The following NF1 variants were observed in gnomAD, a reference collection of about 807,000 sequenced individuals.
NF1 encodes the protein neurofibromin 1, also known as neurofibromin.
A neutral mutation model predicts 325.7 loss-of-function variants in NF1; 122 were observed. The ratio of observed to expected loss-of-function variants is 0.37; its 90% CI spans 0.32 to 0.44. The LOEUF (loss-of-function observed/expected upper bound fraction) is 0.44, where lower values mean the gene tolerates loss of function less well. NF1 is among the 20% of genes least tolerant of loss of function. The probability of loss-of-function intolerance (pLI) is 1.00; values close to 1 mark genes in which losing one functional copy is unlikely to be tolerated. For synonymous variants in NF1, 1,091 were observed against 1,186.0 expected (o/e 0.92, Z 1.65); for missense variants, 2,140 against 3,415.4 (o/e 0.63, Z 9.31).
At chr17:31,139,373 CAG>C (rs1314094931) in intron 1 of NF1, among the ~76,000 whole-genome samples, 3 of 106,872 alleles carry the variant, frequency 2.8e-5, no homozygotes, top group Non-Finnish European at 5.8e-5. Context: ...ATGTTTTACA[CAG>C]ACACACACAC....
rs191099389 is a variant in NF1 at position 31,150,467 on chromosome 17, G to A, written c.61-5516G>A. Among the ~76,000 whole-genome samples the A allele has an allele frequency of 1.2e-4, 19 of 152,042 alleles. No homozygotes were observed. In the East Asian group the frequency reaches 3.5e-3, roughly 28 times the overall value. The stretch of plus-strand genomic sequence containing the variant: ...TGGTATTCTAATTTCCTTCTCTTTT[G>A]GGGTGGAGGGGTATTATGTGTTGGT... On this transcript the variant is annotated intron_variant, in intron 1 of 57. Coordinates refer to ENST00000358273, the MANE Select transcript of NF1 (RefSeq NM_001042492.3).
intron 48 of NF1, 61 bp downstream of exon 48, chr17:31,343,196 G>A: frequency 7.0e-7 from 1 of 1,432,866 alleles, no homozygotes; most frequent in South Asian, 1.2e-5. Context: ...GAAGTAATTT[G>A]AATAAGTGAT....
At chr17:31,159,149 C>CAAA in intron 3 of NF1, 56 bp downstream of exon 3, 1 of 1,187,602 alleles carries the variant, frequency 8.4e-7, no homozygotes, top group African/African-American at 1.5e-5. Flanking sequence ...TGAGAATGAT[C>CAAA]TTATGTCCCA....
chr17:31,365,936 T>G (rs2070510047), intron 57 of NF1, among the ~76,000 whole-genome samples: 1 of 147,296 alleles, frequency 6.8e-6, no homozygotes, highest in African/African-American at 2.6e-5. Flanking sequence ...CTATTTAATT[T>G]TTTTTTTTTT....
intron 36 of NF1, among the ~76,000 whole-genome samples, chr17:31,288,689 C>A (rs1024444256): frequency 2.0e-5 from 3 of 151,844 alleles, no homozygotes; most frequent in Non-Finnish European, 4.4e-5. Flanking sequence ...GGTGCCTGCC[C>A]AGCTAATTTT....
At chr17:31,134,881 G>A (rs12949230) in intron 1 of NF1, among the ~76,000 whole-genome samples, 81,555 of 151,864 alleles carry the variant, frequency 0.54, 25,761 homozygotes, top group Middle Eastern at 0.76. Flanking sequence ...CCTGCTTGCC[G>A]TATAATATTG....
At chr17:31,102,866 G>A (rs1056884381) in intron 1 of NF1, among the ~76,000 whole-genome samples, 2 of 147,050 alleles carry the variant, frequency 1.4e-5, no homozygotes, top group African/African-American at 5.0e-5. Context: ...TTTTTTTTGA[G>A]ATAGAGTCTC....
intron 5 of NF1, among the ~76,000 whole-genome samples, chr17:31,173,538 T>C (rs1416628499): frequency 6.6e-6 from 1 of 150,546 alleles, no homozygotes; most frequent in Non-Finnish European, 1.5e-5. Context: ...ATGGAGGTTG[T>C]AGTGAGCCGA....
At chr17:31,322,124 C>T (rs965664370) in intron 36 of NF1, among the ~76,000 whole-genome samples, 2 of 133,790 alleles carry the variant, frequency 1.5e-5, no homozygotes, top group Non-Finnish European at 3.4e-5. Flanking sequence ...CACACACACA[C>T]ACACAACTGT....
chr17:31,278,585 A>G (rs1201345296), intron 36 of NF1, among the ~76,000 whole-genome samples: 1 of 125,678 alleles, frequency 8.0e-6, no homozygotes, highest in Non-Finnish European at 1.6e-5. Flanking sequence ...CCTGTGCCTC[A>G]TGTCTCATTC....
At chr17:31,307,653 A>C (rs1252695820) in intron 36 of NF1, among the ~76,000 whole-genome samples, 2 of 152,176 alleles carry the variant, frequency 1.3e-5, no homozygotes, top group African/African-American at 2.4e-5. Flanking sequence ...TTTCCTCTAA[A>C]GTGAAGAGTT....
chr17:31,201,304 A>T (rs1013677232), intron 10 of NF1, 107 bp from the exon 11 acceptor site: 104 of 1,458,334 alleles, frequency 7.1e-5, no homozygotes, highest in Non-Finnish European at 9.8e-5. Flanking sequence ...TTAAAAACTT[A>T]GTGTTTTTTT....
At chr17:31,281,639 A>G (rs944175047) in intron 36 of NF1, among the ~76,000 whole-genome samples, 5 of 152,052 alleles carry the variant, frequency 3.3e-5, no homozygotes, top group Admixed American at 2.6e-4. Flanking sequence ...CCTGGTTTGA[A>G]TGCCCTTCCT....
intron 36 of NF1, chr17:31,296,130 T>C: frequency 6.2e-7 from 1 of 1,611,040 alleles, no homozygotes; most frequent in African/African-American, 1.3e-5. Context: ...TGCAGATCAG[T>C]AAAGTGGTTA....
chr17:31,300,203 CA>C (rs1187738063), intron 36 of NF1, among the ~76,000 whole-genome samples: 1 of 151,932 alleles, frequency 6.6e-6, no homozygotes, highest in African/African-American at 2.4e-5. Flanking sequence ...GATCACAAGT[CA>C]AAATTATATA....
intron 5 of NF1, among the ~76,000 whole-genome samples, chr17:31,179,440 C>CA (rs1346595874): frequency 6.6e-6 from 1 of 152,104 alleles, no homozygotes; most frequent in Non-Finnish European, 1.5e-5. Flanking sequence ...CCTAACATCA[C>CA]AATTAAAAGA....
intron 38 of NF1, among the ~76,000 whole-genome samples, chr17:31,329,323 T>G (rs538331700): frequency 2.0e-5 from 3 of 152,348 alleles, no homozygotes; most frequent in African/African-American, 7.2e-5. Context: ...TTAGCCTGGG[T>G]AAACCTGTAT....
chr17:31,104,835 C>G (rs1411654612), intron 1 of NF1, among the ~76,000 whole-genome samples: 1 of 152,104 alleles, frequency 6.6e-6, no homozygotes, highest in Admixed American at 6.6e-5. Context: ...TCCATTTGAC[C>G]ACTTCAAATG....
chr17:31,165,789 A>G (rs896017674), intron 4 of NF1, among the ~76,000 whole-genome samples: 1 of 152,142 alleles, frequency 6.6e-6, no homozygotes, highest in African/African-American at 2.4e-5. Context: ...TCCTGGGCTC[A>G]AGAGATCCTC....
Sources: allele counts gnomAD v4.1 joint callset (sites outside exome capture counted in the v4.1 genomes callset), GRCh38; gene constraint gnomAD v4.1.1; transcripts MANE v1.5; gene names NCBI Gene and HGNC (gene_info 2026-07-23, HGNC 2026-07-21).